The following AGBL1 variants were observed in gnomAD, a reference collection of about 807,000 sequenced individuals.
AGBL1 encodes the protein AGBL carboxypeptidase 1.
In AGBL1, 130 loss-of-function variants were observed where a neutral mutation model predicts 118.9. The ratio of observed to expected loss-of-function variants is 1.09; its 90% CI spans 0.95 to 1.26. The LOEUF is 1.26. Among genes scored for constraint, AGBL1 ranks in the 50% most tolerant of loss-of-function variants. The pLI is 0.00. For missense variants in AGBL1, 1,584 were observed against 1,298.1 expected, an observed-to-expected ratio of 1.22 and a Z score of -3.38; for synonymous variants, 555 against 478.9, an observed-to-expected ratio of 1.16 and a Z score of -2.08.
At chr15:86,372,349 T>TC (rs1440178794) in intron 17 of AGBL1, among the ~76,000 whole-genome samples, 2 of 151,612 alleles carry the variant, frequency 1.3e-5, no homozygotes, top group African/African-American at 4.9e-5. Context: ...ACTCATCATT[T>TC]CCCCCCTTGG....
chr15:86,377,864 C>G (rs10520624), intron 17 of AGBL1, among the ~76,000 whole-genome samples: 51 of 152,174 alleles, frequency 3.4e-4, no homozygotes, highest in African/African-American at 1.2e-3. Context: ...AGGTATTATT[C>G]GTATGATTGC....
intron 24 of AGBL1, among the ~76,000 whole-genome samples, chr15:87,011,872 T>C (rs1347101592): frequency 6.6e-6 from 1 of 152,212 alleles, no homozygotes; most frequent in Non-Finnish European, 1.5e-5. Flanking sequence ...TTCTAATTAA[T>C]TGGACTTTAA....
intron 18 of AGBL1, among the ~76,000 whole-genome samples, chr15:86,435,488 G>T (rs967415204): frequency 9.2e-5 from 14 of 152,208 alleles, no homozygotes; most frequent in Non-Finnish European, 2.9e-5. Flanking sequence ...TTTAAGCCAT[G>T]AAAGGTGCTC....
At chr15:86,968,106 C>T (rs2081072632) in intron 23 of AGBL1, among the ~76,000 whole-genome samples, 1 of 151,694 alleles carries the variant, frequency 6.6e-6, no homozygotes, top group Non-Finnish European at 1.5e-5. Context: ...GTAATATTGC[C>T]CAACTTCAAA....
rs2079495722 is a variant in AGBL1 at position 86,288,714 on chromosome 15, T to G, written c.2221-6541T>G. On this transcript the variant is annotated intron_variant, in intron 16 of 22. Transcript: ENST00000614907. ...TTCTCTGGAAAGACAAAGTTTGACA[T>G]GTGTCTACAAAAACAATATTGTTCA... Among the ~76,000 whole-genome samples the G allele has an allele frequency of 2.0e-5, 3 of 152,134 alleles. No homozygotes were observed. The South Asian group carries it at 6.2e-4, about 32-fold the overall frequency.
chr15:87,019,885 A>G (rs1040894606), intron 24 of AGBL1, among the ~76,000 whole-genome samples: 1 of 152,132 alleles, frequency 6.6e-6, no homozygotes, highest in South Asian at 2.1e-4. Context: ...AGACTAATAA[A>G]GAAGAAAGAA....
chr15:86,954,437 T>C (rs937358911), intron 23 of AGBL1, among the ~76,000 whole-genome samples: 11 of 152,196 alleles, frequency 7.2e-5, no homozygotes, highest in Non-Finnish European at 1.2e-4. Flanking sequence ...GAGGAAAATA[T>C]GATACATATA....
At chr15:86,211,601 G>T (rs2078099621) in intron 5 of AGBL1, among the ~76,000 whole-genome samples, 1 of 152,230 alleles carries the variant, frequency 6.6e-6, no homozygotes, top group East Asian at 1.9e-4. Flanking sequence ...TCAGACTGCT[G>T]TGCTAGCAGT....
chr15:87,011,962 A>G (rs552773811), intron 24 of AGBL1, among the ~76,000 whole-genome samples: 1 of 152,100 alleles, frequency 6.6e-6, no homozygotes, highest in African/African-American at 2.4e-5. Flanking sequence ...TTTACTTTCC[A>G]TAGAGCTATC....
intron 1 of AGBL1, among the ~76,000 whole-genome samples, chr15:86,121,047 C>A (rs920222256): frequency 1.1e-4 from 16 of 152,064 alleles, no homozygotes; most frequent in Admixed American, 5.2e-4. Flanking sequence ...CAGGCATGTG[C>A]CACCATGCCT....
At chr15:86,573,256 T>C (rs551392057) in intron 21 of AGBL1, among the ~76,000 whole-genome samples, 1 of 152,334 alleles carries the variant, frequency 6.6e-6, no homozygotes, top group African/African-American at 2.4e-5. Flanking sequence ...CAAGAAACGT[T>C]TTTCTTTTTA....
chr15:86,272,955 G>A (rs2079185333), intron 15 of AGBL1, among the ~76,000 whole-genome samples: 1 of 152,102 alleles, frequency 6.6e-6, no homozygotes, highest in South Asian at 2.1e-4. Context: ...ATCACCTCAA[G>A]GTGATAGTCT....
intron 23 of AGBL1, among the ~76,000 whole-genome samples, chr15:86,938,079 G>T (rs976752028): frequency 2.0e-5 from 3 of 152,098 alleles, no homozygotes; most frequent in Non-Finnish European, 4.4e-5. Context: ...CTTTTTTGGG[G>T]TGCAGCAACA....
At chr15:86,279,885 G>A in intron 16 of AGBL1, 102 bp downstream of exon 16, 1 of 1,399,840 alleles carries the variant, frequency 7.1e-7, no homozygotes, top group Admixed American at 1.9e-5. Context: ...GGGGTGCAGA[G>A]GGGAATGTAG....
chr15:86,420,788 A>G (rs1277915874), intron 18 of AGBL1, among the ~76,000 whole-genome samples: 1 of 152,242 alleles, frequency 6.6e-6, no homozygotes, highest in East Asian at 1.9e-4. Flanking sequence ...GCTGAAAAAC[A>G]CAGCAGGAGA....
chr15:86,096,153 T>C (rs1027861158), intron 1 of AGBL1, among the ~76,000 whole-genome samples: 50 of 152,164 alleles, frequency 3.3e-4, no homozygotes, highest in African/African-American at 1.2e-3. Context: ...ATAGCCATAG[T>C]ATAGCAGTAG....
At chr15:86,820,115 TCCTTACA>T (rs2078918890) in intron 22 of AGBL1, among the ~76,000 whole-genome samples, 2 of 152,148 alleles carry the variant, frequency 1.3e-5, no homozygotes, top group African/African-American at 4.8e-5. Context: ...CTGAACCCCT[TCCTTACA>T]CCTTATACAA....
chr15:86,282,565 T>C lies in AGBL1; in HGVS notation c.2220+2782T>C, dbSNP rs73451543. On this transcript the variant is annotated intron_variant, in intron 16 of 22. Coordinates refer to ENST00000614907, the MANE Select transcript of AGBL1 (RefSeq NM_001386094.1). ...GTATTCTCAATTTTAGGTTTTACAT[T>C]TCCAATAACTCATGGTCTTTGTCCT... Among the ~76,000 whole-genome samples the C allele has an allele frequency of 8.0e-3, 1,222 of 152,298 alleles. 12 individuals are homozygous for C. Among genetic ancestry groups the C allele is most frequent in the African/African-American group, 0.028 (1,146 of 41,566 alleles).
chr15:86,521,685 G>A (rs1567037936), intron 18 of AGBL1, among the ~76,000 whole-genome samples: 1 of 152,132 alleles, frequency 6.6e-6, no homozygotes, highest in Non-Finnish European at 1.5e-5. Flanking sequence ...GATAGAATGG[G>A]TGATGTATTG....
Sources: allele counts gnomAD v4.1 joint callset (sites outside exome capture counted in the v4.1 genomes callset), GRCh38; gene constraint gnomAD v4.1.1; transcripts MANE v1.5; gene names NCBI Gene and HGNC (gene_info 2026-07-23, HGNC 2026-07-21).